Variants in AUTS2 observed in about 807,000 individuals in gnomAD.
AUTS2 encodes activator of transcription and developmental regulator AUTS2.
A neutral mutation model predicts 112.4 loss-of-function variants in AUTS2; 17 were observed. The ratio of observed to expected loss-of-function variants is 0.15; its 90% confidence interval spans 0.10 to 0.23. AUTS2 has a LOEUF of 0.23. Among genes scored for constraint, AUTS2 ranks in the 10% least tolerant of loss-of-function variants. The pLI is 1.00. For synonymous variants in AUTS2, 751 were observed against 702.7 expected (o/e 1.07, Z -1.09); for missense variants, 1,510 against 1,701.6 (o/e 0.89, Z 1.98).
intron 4 of AUTS2, among the ~76,000 whole-genome samples, chr7:70,368,696 C>G (rs1179287912): frequency 2.0e-5 from 3 of 152,126 alleles, no homozygotes; most frequent in African/African-American, 7.2e-5. Context: ...CCTCTGACCT[C>G]AGGAGGCCAA....
intron 5 of AUTS2, among the ~76,000 whole-genome samples, chr7:70,487,236 C>CG (rs1798048731): frequency 6.6e-6 from 1 of 152,126 alleles, no homozygotes; most frequent in Non-Finnish European, 1.5e-5. Flanking sequence ...CCCGCGCCCC[C>CG]CTCCCAGCCA....
At chr7:69,626,775 C>G (rs945617502) in intron 1 of AUTS2, among the ~76,000 whole-genome samples, 7 of 152,056 alleles carry the variant, frequency 4.6e-5, no homozygotes, top group African/African-American at 1.7e-4. Context: ...TTTTTTAAGT[C>G]ATTAAAACAG....
intron 2 of AUTS2, among the ~76,000 whole-genome samples, chr7:70,090,312 T>C (rs1467844830): frequency 6.6e-6 from 1 of 152,090 alleles, no homozygotes; most frequent in Non-Finnish European, 1.5e-5. Context: ...TATACTATAT[T>C]GTTATTGATA....
chr7:70,020,784 A>G (rs747395198), intron 2 of AUTS2, among the ~76,000 whole-genome samples: 1 of 152,014 alleles, frequency 6.6e-6, no homozygotes, highest in Non-Finnish European at 1.5e-5. Context: ...CCCAGGCTCA[A>G]GTGATTCTCC....
At chr7:70,281,792 A>T (rs1788228133) in intron 4 of AUTS2, among the ~76,000 whole-genome samples, 1 of 152,224 alleles carries the variant, frequency 6.6e-6, no homozygotes, top group Admixed American at 6.5e-5. Context: ...GGCTATTGTC[A>T]TTCTCCAGCT....
At chr7:70,073,379 C>T (rs1043543512) in intron 2 of AUTS2, among the ~76,000 whole-genome samples, 4 of 151,838 alleles carry the variant, frequency 2.6e-5, no homozygotes, top group South Asian at 4.2e-4. Context: ...GGCATGATGG[C>T]GCACACCTGT....
chr7:70,702,738 A>G (rs775403493), intron 6 of AUTS2, among the ~76,000 whole-genome samples: 2 of 152,076 alleles, frequency 1.3e-5, no homozygotes, highest in Non-Finnish European at 1.5e-5. Context: ...GGGAGGTTCT[A>G]GTGGATAGTC....
At chr7:69,878,719 C>T (rs1008104190) in intron 1 of AUTS2, among the ~76,000 whole-genome samples, 41 of 152,296 alleles carry the variant, frequency 2.7e-4, no homozygotes, top group African/African-American at 9.6e-4. Context: ...TGCTGGAGAG[C>T]AGTACATTTT....
At chr7:70,606,279 C>T (rs759636075) in intron 5 of AUTS2, among the ~76,000 whole-genome samples, 7 of 152,118 alleles carry the variant, frequency 4.6e-5, no homozygotes, top group Admixed American at 1.3e-4. Context: ...ATTAACTAGA[C>T]GATTTAGGAC....
Position 70,587,489 on chromosome 7 carries a change from T to A in AUTS2, c.691-111080T>A, listed in dbSNP as rs139594517. On this transcript the variant is annotated intron_variant, in intron 5 of 18. Coordinates refer to ENST00000342771, the MANE Select transcript of AUTS2 (RefSeq NM_015570.4). ...CTGCATCACCTGGCCTAGATGGTCCTTGGCAACTAGGTGACTGATCTGAGT... is the reference window on the plus strand; with the variant it reads ...CTGCATCACCTGGCCTAGATGGTCCATGGCAACTAGGTGACTGATCTGAGT... Among the ~76,000 whole-genome samples the A allele has an allele frequency of 8.3e-4, 126 of 152,364 alleles. 1 individual carries two copies. The highest frequency in any genetic ancestry group is 2.9e-3 in the African/African-American group (121 of 41,580).
At chr7:69,976,782 T>G (rs1798076953) in intron 2 of AUTS2, among the ~76,000 whole-genome samples, 1 of 152,198 alleles carries the variant, frequency 6.6e-6, no homozygotes, top group Admixed American at 6.5e-5. Context: ...CATTTTTTAA[T>G]CAGTTATTTG....
At chr7:70,452,515 T>C (rs929197220) in intron 5 of AUTS2, among the ~76,000 whole-genome samples, 7 of 152,146 alleles carry the variant, frequency 4.6e-5, no homozygotes, top group Admixed American at 2.6e-4. Context: ...TTCAGTCCCT[T>C]CCACCCTGTT....
At chr7:70,144,073 G>A (rs1806998492) in intron 4 of AUTS2, among the ~76,000 whole-genome samples, 1 of 151,888 alleles carries the variant, frequency 6.6e-6, no homozygotes, top group African/African-American at 2.4e-5. Flanking sequence ...GCTCATCCAA[G>A]CCCGTGCTGT....
intron 4 of AUTS2, among the ~76,000 whole-genome samples, chr7:70,320,295 C>A (rs1249492204): frequency 6.6e-6 from 1 of 152,120 alleles, no homozygotes. Context: ...GTACTCTTAC[C>A]TTTGTGTTGA....
intron 1 of AUTS2, among the ~76,000 whole-genome samples, chr7:69,693,165 G>T: frequency 6.6e-6 from 1 of 152,190 alleles, no homozygotes; most frequent in Non-Finnish European, 1.5e-5. Flanking sequence ...CTGAGCCTCA[G>T]TTTCAGCATC....
chr7:70,419,065 C>T (rs1795107452), intron 4 of AUTS2, among the ~76,000 whole-genome samples: 1 of 152,118 alleles, frequency 6.6e-6, no homozygotes, highest in Non-Finnish European at 1.5e-5. Flanking sequence ...GGGTATGTGA[C>T]TCACCCAAGG....
intron 4 of AUTS2, among the ~76,000 whole-genome samples, chr7:70,259,967 T>C (rs1484083650): frequency 6.6e-6 from 1 of 152,202 alleles, no homozygotes; most frequent in Non-Finnish European, 1.5e-5. Context: ...AAGAGGTTTG[T>C]TTTAATTTGC....
At chr7:70,146,223 C>T (rs1360406509) in intron 4 of AUTS2, among the ~76,000 whole-genome samples, 8 of 152,048 alleles carry the variant, frequency 5.3e-5, no homozygotes, top group East Asian at 3.9e-4. Flanking sequence ...TTGTGACCCT[C>T]GTTCAATGTT....
chr7:69,813,402 G>A (rs1398826670), intron 1 of AUTS2, among the ~76,000 whole-genome samples: 3 of 152,188 alleles, frequency 2.0e-5, no homozygotes, highest in African/African-American at 7.2e-5. Context: ...TGGAAAAAGA[G>A]AGTGTGGTTT....
Sources: allele counts gnomAD v4.1 joint callset (sites outside exome capture counted in the v4.1 genomes callset), GRCh38; gene constraint gnomAD v4.1.1; transcripts MANE v1.5; gene names NCBI Gene and HGNC (gene_info 2026-07-23, HGNC 2026-07-21).